The following METTL24 variants were observed in gnomAD, a reference collection of about 807,000 sequenced individuals.
The protein encoded by METTL24 is probable methyltransferase-like protein 24.
A neutral mutation model predicts 32.7 loss-of-function variants in METTL24; 29 were observed. The ratio of observed to expected loss-of-function variants is 0.89; its 90% CI spans 0.66 to 1.21. The LOEUF is 1.21. Among genes scored for constraint, METTL24 ranks in the 50% most tolerant of loss-of-function variants. The probability of loss-of-function intolerance (pLI) is 0.00; values close to 1 mark genes in which losing one functional copy is unlikely to be tolerated. For synonymous variants in METTL24, 163 were observed against 179.5 expected (o/e 0.91, Z 0.73); for missense variants, 439 against 468.1 (o/e 0.94, Z 0.57).
intron 4 of METTL24, among the ~76,000 whole-genome samples, chr6:110,269,778 G>C (rs1263403404): frequency 6.6e-6 from 1 of 152,170 alleles, no homozygotes; most frequent in Admixed American, 6.6e-5. Flanking sequence ...CTGGAGGAAT[G>C]AGTAATCTAA....
rs1173027661 is a variant in METTL24 at position 110,246,259 on chromosome 6, A to T, written c.788T>A (p.Ile263Asn). The change falls in exon 5 of 5, where the codon ATT (isoleucine) becomes AAT (asparagine). Residue 263 changes from isoleucine (I) to asparagine (N), a missense_variant and splice_region_variant. Coordinates refer to ENST00000338882, the MANE Select transcript of METTL24 (RefSeq NM_001123364.3). ...SILNEFGHHKIDVLKADLESA... is the reference protein window; with the variant it reads ...SILNEFGHHKNDVLKADLESA... ...TTCCAGATCTGCCTTGAGAACGTCA[A>T]TCTGTAACAAAGCAATGAAATGAGA... 6.3e-7 allele frequency: 1 copy of T among 1,599,270 alleles called. No homozygotes were observed. The highest frequency in any genetic ancestry group is 8.5e-7 in the Non-Finnish European group (1 of 1,171,878).
At chr6:110,252,664 G>A (rs1306271681) in intron 4 of METTL24, among the ~76,000 whole-genome samples, 1 of 152,012 alleles carries the variant, frequency 6.6e-6, no homozygotes, top group East Asian at 1.9e-4. Context: ...ATAGTTAATG[G>A]CTAACTCTGG....
intron 2 of METTL24, 69 bp downstream of exon 2, chr6:110,322,705 C>T: frequency 7.4e-7 from 1 of 1,345,832 alleles, no homozygotes; most frequent in Non-Finnish European, 1.0e-6. Context: ...TCCCCCACCT[C>T]CTTCTTTCAA....
intron 1 of METTL24, among the ~76,000 whole-genome samples, chr6:110,336,810 T>C (rs921438326): frequency 8.6e-5 from 13 of 151,690 alleles, no homozygotes; most frequent in African/African-American, 3.1e-4. Flanking sequence ...GGAACACTTA[T>C]ACACTGTCGG....
At chr6:110,259,586 A>C (rs1259674360) in intron 4 of METTL24, among the ~76,000 whole-genome samples, 1 of 152,220 alleles carries the variant, frequency 6.6e-6, no homozygotes, top group Non-Finnish European at 1.5e-5. Flanking sequence ...TGCAGACTTA[A>C]ATGTCTCTGT....
Position 110,299,012 on chromosome 6 carries a change from C to T in METTL24, c.696G>A (p.Trp232Ter). 6.2e-7 allele frequency: 1 copy of T among 1,614,182 alleles called. No individual in the cohort carries two copies. Among genetic ancestry groups the T allele is most frequent in the Non-Finnish European group, 8.5e-7 (1 of 1,180,032 alleles). Residue 232 changes from tryptophan to a stop codon, truncating the protein, a stop_gained, in exon 4 of 5, where the codon TGG (tryptophan) becomes TGA (stop). Transcript: ENST00000338882. LOFTEE classifies it high-confidence loss of function. ...HLWYHRLSID[W>*]RDPHPAVAAQ... ...CAGCAACAGCTGGATGGGGATCCCG[C>T]CAGTCAATGGACAAGCGGTGATACC...
intron 4 of METTL24, among the ~76,000 whole-genome samples, chr6:110,275,026 TGG>T (rs1236280828): frequency 3.3e-5 from 5 of 151,578 alleles, no homozygotes; most frequent in African/African-American, 1.2e-4. Flanking sequence ...CTCAAACTCC[TGG>T]GCTCAAGTGA....
rs564050954 is a variant in METTL24 at position 110,305,548 on chromosome 6, A to G, written c.558-6398T>C. On this transcript the variant is annotated intron_variant, in intron 3 of 4. Coordinates refer to ENST00000338882, the MANE Select transcript of METTL24 (RefSeq NM_001123364.3). ...GAACAGACGCTTTTCAAAAGAAGAC[A>G]TTTATGTGGCCAACAAACATGAAAA... Among the ~76,000 whole-genome samples the G allele has an allele frequency of 3.3e-5, 5 of 151,000 alleles. 1 individual carries two copies. The highest frequency in any genetic ancestry group is 3.3e-4 in the Admixed American group (5 of 15,148).
intron 2 of METTL24, among the ~76,000 whole-genome samples, chr6:110,321,431 T>C (rs1289166477): frequency 6.6e-6 from 1 of 152,182 alleles, no homozygotes; most frequent in African/African-American, 2.4e-5. Context: ...ATTACATAAA[T>C]TTATTTTGGC....
chr6:110,258,748 A>T (rs531886144), intron 4 of METTL24, among the ~76,000 whole-genome samples: 4 of 152,064 alleles, frequency 2.6e-5, no homozygotes, highest in African/African-American at 9.6e-5. Flanking sequence ...GGGATTCCAC[A>T]TCCCAAACAT....
At chr6:110,341,530 T>C (rs1562243252) in intron 1 of METTL24, among the ~76,000 whole-genome samples, 1 of 152,196 alleles carries the variant, frequency 6.6e-6, no homozygotes, top group African/African-American at 2.4e-5. Flanking sequence ...TTTTAAGAAA[T>C]GTAAGATATA....
intron 3 of METTL24, among the ~76,000 whole-genome samples, chr6:110,313,497 C>A (rs920914559): frequency 2.6e-5 from 4 of 152,116 alleles, no homozygotes; most frequent in African/African-American, 9.7e-5. Context: ...ACTTTCCCCC[C>A]AAACAGCTTT....
chr6:110,335,129 A>T (rs1279482527), intron 1 of METTL24, among the ~76,000 whole-genome samples: 1 of 152,220 alleles, frequency 6.6e-6, no homozygotes. Context: ...TTTATTACGA[A>T]GTGGCCTTTT....
At chr6:110,297,317 T>TA (rs1293647543) in intron 4 of METTL24, among the ~76,000 whole-genome samples, 7 of 152,324 alleles carry the variant, frequency 4.6e-5, no homozygotes, top group African/African-American at 1.4e-4. Flanking sequence ...CCTTGTTATC[T>TA]AAAATTAGAT....
At chr6:110,326,049 G>T (rs1432652288) in intron 1 of METTL24, among the ~76,000 whole-genome samples, 1 of 152,188 alleles carries the variant, frequency 6.6e-6, no homozygotes, top group Non-Finnish European at 1.5e-5. Context: ...CTTCCCCAAA[G>T]TGAGTTCTAG....
Position 110,331,412 on chromosome 6 carries a change from C to T in METTL24, c.319-8540G>A, listed in dbSNP as rs192683908. Among the ~76,000 whole-genome samples the T allele has an allele frequency of 2.4e-3, 372 of 151,938 alleles. 10 individuals carry two copies. Among genetic ancestry groups the T allele is most frequent in the Admixed American group, 0.023 (347 of 15,272 alleles). On this transcript the variant is annotated intron_variant, in intron 1 of 4. Coordinates refer to ENST00000338882, the MANE Select transcript of METTL24 (RefSeq NM_001123364.3). Reference sequence around the variant, plus strand: ...GATGGCACACACCTGCAGTCCCAGCCCTTTGGGAGGCTGAGGCGGGCAGAT... The same window carrying T: ...GATGGCACACACCTGCAGTCCCAGCTCTTTGGGAGGCTGAGGCGGGCAGAT...
chr6:110,279,141 T>C (rs531016402), intron 4 of METTL24, among the ~76,000 whole-genome samples: 147 of 152,358 alleles, frequency 9.6e-4, no homozygotes, highest in Non-Finnish European at 1.5e-3. Context: ...TTCATCTCAA[T>C]GCATCCAGTA....
intron 4 of METTL24, among the ~76,000 whole-genome samples, chr6:110,251,118 C>T (rs1244706187): frequency 6.6e-6 from 1 of 152,126 alleles, no homozygotes; most frequent in Non-Finnish European, 1.5e-5. Flanking sequence ...GCAAGTCTAG[C>T]GCGCATTCAA....
At chr6:110,269,294 C>T (rs549454455) in intron 4 of METTL24, among the ~76,000 whole-genome samples, 1 of 152,296 alleles carries the variant, frequency 6.6e-6, no homozygotes, top group Admixed American at 6.5e-5. Context: ...TCAAATAGTA[C>T]ATATAATTCT....
Sources: gnomAD v4.1 joint callset for allele counts (sites outside exome capture counted in the v4.1 genomes callset) on GRCh38, gnomAD v4.1.1 for gene constraint, MANE v1.5 for transcripts, NCBI Gene and HGNC (gene_info 2026-07-23, HGNC 2026-07-21) for gene names.